ZBTB25: variants seen among roughly 807,000 people sequenced by gnomAD.
ZBTB25 encodes zinc finger and BTB domain containing 25.
ZBTB25 carries 20 observed loss-of-function variants against 34.2 expected under a neutral mutation model. The ratio of observed to expected loss-of-function variants is 0.58; its 90% CI spans 0.41 to 0.85. The LOEUF (loss-of-function observed/expected upper bound fraction) is 0.85, where lower values mean the gene tolerates loss of function less well. Ranked by LOEUF, ZBTB25 falls within the 40% of genes least tolerant of loss-of-function variation. The pLI, the probability that ZBTB25 is intolerant of heterozygous loss-of-function variation, is 0.00. For missense variants in ZBTB25, 437 were observed against 521.8 expected, an observed-to-expected ratio of 0.84 and a Z score of 1.58; for synonymous variants, 175 against 186.4, an observed-to-expected ratio of 0.94 and a Z score of 0.50.
chr14:64,457,209 A>C (rs942638906), intron 2 of ZBTB25, among the ~76,000 whole-genome samples: 42 of 152,232 alleles, frequency 2.8e-4, no homozygotes, highest in Admixed American at 1.8e-3. Context: ...AGCAAAAATC[A>C]CATGGGCAGC....
chr14:64,491,750 A>T (rs1014775241), intron 1 of ZBTB25, among the ~76,000 whole-genome samples: 1 of 152,156 alleles, frequency 6.6e-6, no homozygotes, highest in African/African-American at 2.4e-5. Flanking sequence ...TATAAAGGGC[A>T]TCATTGGGTG....
At chr14:64,450,053 G>A (rs866688741) in intron 2 of ZBTB25, among the ~76,000 whole-genome samples, 77 of 151,906 alleles carry the variant, frequency 5.1e-4, no homozygotes, top group African/African-American at 1.8e-3. Context: ...GCCTCCCAAA[G>A]TGCTGGAATT....
intron 2 of ZBTB25, among the ~76,000 whole-genome samples, chr14:64,453,301 GT>G (rs1262767430): frequency 6.6e-6 from 1 of 152,090 alleles, no homozygotes; most frequent in East Asian, 1.9e-4. Context: ...GCTGGGTGCA[GT>G]GGCTCACACC....
Position 64,449,429 on chromosome 14 carries a change from A to G in ZBTB25, c.*122T>C, listed in dbSNP as rs773893134. 60 of 1,612,368 alleles carry G rather than the reference A, an allele frequency of 3.7e-5. No homozygotes were observed. The African/African-American group carries it at 6.8e-4, about 18-fold the overall frequency. On this transcript the variant is annotated 3_prime_UTR_variant, in exon 3 of 3. Transcript: ENST00000555220. ...AGCCATTTTCCATGCTTTGATATGA[A>G]ATGCTTCCTTTATAGGACGGATACA...
intron 2 of ZBTB25, among the ~76,000 whole-genome samples, chr14:64,452,410 C>T (rs1286852394): frequency 6.6e-6 from 1 of 152,214 alleles, no homozygotes; most frequent in Non-Finnish European, 1.5e-5. Context: ...AGCTTTGCTT[C>T]TGATTTCCTT....
chr14:64,476,973 TAA>T (rs2078725984), downstream of ZBTB25, among the ~76,000 whole-genome samples: 1 of 152,234 alleles, frequency 6.6e-6, no homozygotes, highest in Non-Finnish European at 1.5e-5. Flanking sequence ...CATTAAGGTA[TAA>T]TTTACATACA....
Position 64,490,496 on chromosome 14 carries a change from TGCTGGAGAAGAACAAGGCTATG to T in ZBTB25, c.16_37del (p.His6SerfsTer2). On this transcript the variant is annotated frameshift_variant, in exon 2 of 3. Coordinates refer to ENST00000608382, the MANE Select transcript of ZBTB25 (RefSeq NM_006977.5). LOFTEE classifies it high-confidence loss of function. ...ACCAAATTCTCGCTGCATGTTCAGC[TGCTGGAGAAGAACAAGGCTATG>T]GCTGGCAGTGTCCATTGTGGTTCTG... 2 of 1,613,806 alleles carry T rather than the reference TGCTGGAGAAGAACAAGGCTATG, an allele frequency of 1.2e-6. No homozygotes were observed. Among genetic ancestry groups the T allele is most frequent in the Non-Finnish European group, 1.7e-6 (2 of 1,179,780 alleles).
At chr14:64,453,912 G>A (rs368511910) in intron 2 of ZBTB25, 3 of 1,182,266 alleles carry the variant, frequency 2.5e-6, no homozygotes, top group African/African-American at 1.5e-5. Flanking sequence ...GCAGGACTTG[G>A]AGTCACAATC....
downstream of ZBTB25, among the ~76,000 whole-genome samples, chr14:64,476,032 T>G: frequency 6.6e-6 from 1 of 152,172 alleles, no homozygotes; most frequent in East Asian, 1.9e-4. Flanking sequence ...TCCTGGGAGA[T>G]AGGAAACAAA....
intron 1 of ZBTB25, chr14:64,503,159 C>G (rs1170456170): frequency 2.0e-6 from 2 of 985,378 alleles, no homozygotes; most frequent in Non-Finnish European, 2.4e-6. Context: ...ATGCTTAGAA[C>G]AAGATAAACA....
chr14:64,450,439 C>T (rs922270961), intron 2 of ZBTB25, among the ~76,000 whole-genome samples: 1 of 152,154 alleles, frequency 6.6e-6, no homozygotes, highest in African/African-American at 2.4e-5. Context: ...CTCCAGGAAG[C>T]TTCATCATTT....
Position 64,485,144 on chromosome 14 carries a change from A to C in ZBTB25, c.*1779T>G, listed in dbSNP as rs963079952. On this transcript the variant is annotated 3_prime_UTR_variant, in exon 3 of 3. Transcript: ENST00000608382. ...AAACTTACCACTTTGTAATTTACCT[A>C]AACTGTTTACCTAGAGAAAACCTTT... 4.1e-6 allele frequency: 4 copies of C among 985,312 alleles called. No homozygotes were observed. The African/African-American group carries it at 5.2e-5, about 13-fold the overall frequency. The allele number at this position is 985,312 out of a possible 1,614,324, so 61.0% of individuals were successfully genotyped here.
Position 64,479,392 on chromosome 14 carries a change from C to G in ZBTB25, c.*7531G>C, listed in dbSNP as rs1190950807. On this transcript the variant is annotated 3_prime_UTR_variant, in exon 3 of 3. Coordinates refer to ENST00000608382, the MANE Select transcript of ZBTB25 (RefSeq NM_006977.5). ...CCAACTGTGACAACCAAAAACATCT[C>G]CACATCGTCAAATGTCTCTATGGGG... 1 of 152,128 alleles carries G rather than the reference C, an allele frequency of 6.6e-6. No individual in the cohort carries two copies. Among genetic ancestry groups the G allele is most frequent in the African/African-American group, 2.4e-5 (1 of 41,380 alleles). 9.4% of individuals were successfully genotyped at this position (152,128 alleles called of 1,614,324 possible).
At chr14:64,473,996 T>A (rs1295919711), downstream of ZBTB25, 2 of 167,022 alleles carry the variant, frequency 1.2e-5, no homozygotes, top group Non-Finnish European at 2.9e-5. Flanking sequence ...TCAATTTGAT[T>A]CAACACACGT....
chr14:64,504,809 G>GCAGCC (rs1428749579), upstream of ZBTB25: 1 of 387,760 alleles, frequency 2.6e-6, no homozygotes, highest in Non-Finnish European at 4.6e-6. Context: ...GCCTCTCCGC[G>GCAGCC]CAGCCCAGCC....
chr14:64,458,126 A>C (rs2078504796), intron 2 of ZBTB25: 1 of 1,055,532 alleles, frequency 9.5e-7, no homozygotes, highest in Admixed American at 1.7e-5. Flanking sequence ...CCTGGCCTCA[A>C]GTGATCCTCT....
At chr14:64,498,258 C>G (rs963238926) in intron 1 of ZBTB25, among the ~76,000 whole-genome samples, 17 of 152,002 alleles carry the variant, frequency 1.1e-4, no homozygotes, top group Admixed American at 2.6e-4. Flanking sequence ...GAGTCCCAAC[C>G]CAGGCTTAGC....
intron 1 of ZBTB25, among the ~76,000 whole-genome samples, chr14:64,495,892 T>G (rs1297947643): frequency 2.6e-5 from 4 of 150,946 alleles, no homozygotes; most frequent in African/African-American, 9.7e-5. Context: ...GAGGCAGAGG[T>G]TGCGGTAAGC....
At chr14:64,471,559 A>G (rs780362425) in intron 2 of ZBTB25, 1 of 167,114 alleles carries the variant, frequency 6.0e-6, no homozygotes, top group Non-Finnish European at 1.5e-5. Context: ...AATGATTGCC[A>G]TATTTTTTGA....
Sources: allele counts gnomAD v4.1 joint callset (sites outside exome capture counted in the v4.1 genomes callset), GRCh38; gene constraint gnomAD v4.1.1; transcripts MANE v1.5; gene names NCBI Gene and HGNC (gene_info 2026-07-23, HGNC 2026-07-21).